Variants in SEZ6L observed in about 807,000 individuals in gnomAD.
The protein encoded by SEZ6L is seizure related 6 homolog like.
In SEZ6L, 37 loss-of-function variants were observed where a neutral mutation model predicts 106.2. That is an observed-to-expected ratio of 0.35 (90% CI 0.27 to 0.46). The LOEUF is 0.46. Ranked by LOEUF, SEZ6L falls within the 20% of genes least tolerant of loss-of-function variation. The probability of loss-of-function intolerance (pLI) is 1.00; values close to 1 mark genes in which losing one functional copy is unlikely to be tolerated. For synonymous variants in SEZ6L, 541 were observed against 570.4 expected, an observed-to-expected ratio of 0.95 and a Z score of 0.73; for missense variants, 1,172 against 1,332.8, an observed-to-expected ratio of 0.88 and a Z score of 1.88.
chr22:26,241,965 A>G (rs2079150693), intron 1 of SEZ6L, among the ~76,000 whole-genome samples: 1 of 152,224 alleles, frequency 6.6e-6, no homozygotes, highest in African/African-American at 2.4e-5. Context: ...GAGGAGAGCC[A>G]CCATACCTCA....
intron 1 of SEZ6L, among the ~76,000 whole-genome samples, chr22:26,182,189 G>T (rs1939444513): frequency 6.6e-6 from 1 of 152,184 alleles, no homozygotes; most frequent in South Asian, 2.1e-4. Context: ...TAGTATGCAA[G>T]AAATGATTCT....
At chr22:26,284,604 CAAAAAAAAAAAAAAAAAAA>C (rs137198) in intron 1 of SEZ6L, among the ~76,000 whole-genome samples, 1 of 64,022 alleles carries the variant, frequency 1.6e-5, no homozygotes, top group Non-Finnish European at 3.2e-5. Context: ...ATCAGGACTC[CAAAAAAAAAAAAAAAAAAA>C]AAAAAAAAAC....
At chr22:26,268,277 C>G (rs1451174895) in intron 1 of SEZ6L, among the ~76,000 whole-genome samples, 4 of 152,118 alleles carry the variant, frequency 2.6e-5, no homozygotes, top group Non-Finnish European at 5.9e-5. Flanking sequence ...AGGAGATCAC[C>G]CGGTATGAAC....
chr22:26,224,958 C>T (rs900582626), intron 1 of SEZ6L, among the ~76,000 whole-genome samples: 2 of 151,790 alleles, frequency 1.3e-5, no homozygotes, highest in Non-Finnish European at 2.9e-5. Context: ...GTGCCACTAG[C>T]TATTGTTACA....
intron 1 of SEZ6L, among the ~76,000 whole-genome samples, chr22:26,202,438 C>T (rs1941020467): frequency 6.6e-6 from 1 of 152,112 alleles, no homozygotes; most frequent in African/African-American, 2.4e-5. Context: ...GGCACATTCC[C>T]TAATAGACAG....
intron 1 of SEZ6L, among the ~76,000 whole-genome samples, chr22:26,241,015 G>A (rs2079110775): frequency 6.6e-6 from 1 of 152,210 alleles, no homozygotes; most frequent in Admixed American, 6.5e-5. Context: ...GCACCCAAGT[G>A]AGGGAGAGAG....
At chr22:26,179,398 C>T (rs1344134508) in intron 1 of SEZ6L, among the ~76,000 whole-genome samples, 1 of 152,108 alleles carries the variant, frequency 6.6e-6, no homozygotes, top group Non-Finnish European at 1.5e-5. Flanking sequence ...ATTTAAAAAA[C>T]AACAAATGGA....
chr22:26,236,857 C>T lies in SEZ6L; in HGVS notation c.95-55549C>T, dbSNP rs141222644. On this transcript the variant is annotated intron_variant, in intron 1 of 16. Transcript: ENST00000248933. Reference sequence around the variant, plus strand: ...CTTGGTGTGGCTACCATTAGCCTCTCCTCTGCCTTCTGTCCATGCAGAAGC... The same window carrying T: ...CTTGGTGTGGCTACCATTAGCCTCTTCTCTGCCTTCTGTCCATGCAGAAGC... Among the ~76,000 whole-genome samples, 661 of 152,242 alleles carry T rather than the reference C, an allele frequency of 4.3e-3. 3 individuals are homozygous for T. The highest frequency in any genetic ancestry group is 0.01 in the Middle Eastern group (3 of 294).
chr22:26,350,194 GTATA>G lies in SEZ6L; in HGVS notation c.2408-847_2408-844del, dbSNP rs201613241. Among the ~76,000 whole-genome samples, 10 of 138,744 alleles carry G rather than the reference GTATA, an allele frequency of 7.2e-5. No individual in the cohort carries two copies. In the South Asian group the frequency reaches 1.2e-3, roughly 16 times the overall value. The allele number at this position is 138,744 out of a possible 152,430, so 91.0% of individuals were successfully genotyped here. ...AATTCATATATATGTGTGTGTGTGT[GTATA>G]TATATATATACACATATATATATAT... On this transcript the variant is annotated intron_variant, in intron 11 of 16. Transcript: ENST00000248933.
At chr22:26,291,843 A>G (rs1004316087) in intron 1 of SEZ6L, among the ~76,000 whole-genome samples, 1 of 152,104 alleles carries the variant, frequency 6.6e-6, no homozygotes, top group Non-Finnish European at 1.5e-5. Flanking sequence ...ATCATATCAA[A>G]TATGATTGTG....
intron 12 of SEZ6L, among the ~76,000 whole-genome samples, chr22:26,355,418 A>T (rs2083408886): frequency 6.6e-6 from 1 of 152,222 alleles, no homozygotes; most frequent in Non-Finnish European, 1.5e-5. Context: ...TTAATGAAGC[A>T]GACAGAAAAC....
intron 1 of SEZ6L, among the ~76,000 whole-genome samples, chr22:26,198,014 G>A (rs1249567954): frequency 6.6e-6 from 1 of 152,196 alleles, no homozygotes; most frequent in African/African-American, 2.4e-5. Flanking sequence ...CTGAAGATTT[G>A]ACCAAACTTA....
At chr22:26,380,233 C>T (rs1043565854) in intron 16 of SEZ6L, 33 bp from the exon 17 acceptor site, 10 of 1,610,638 alleles carry the variant, frequency 6.2e-6, no homozygotes, top group South Asian at 4.4e-5. Flanking sequence ...ACCACACAAG[C>T]GTTTGACAAA....
At chr22:26,327,948 G>T (rs16981753) in intron 9 of SEZ6L, among the ~76,000 whole-genome samples, 15,651 of 152,228 alleles carry the variant, frequency 0.1, 1,137 homozygotes, top group Admixed American at 0.24. Context: ...TGCCATCTGG[G>T]GTCACCCCTA....
intron 10 of SEZ6L, among the ~76,000 whole-genome samples, chr22:26,346,024 TG>T (rs933668384): frequency 7.1e-6 from 1 of 140,748 alleles, no homozygotes; most frequent in Non-Finnish European, 1.5e-5. Context: ...CTGTTCAAAT[TG>T]TTTTTTTTTT....
At chr22:26,200,366 C>G (rs1046493137) in intron 1 of SEZ6L, among the ~76,000 whole-genome samples, 1 of 152,090 alleles carries the variant, frequency 6.6e-6, no homozygotes, top group African/African-American at 2.4e-5. Flanking sequence ...TGACTATGCA[C>G]CAGGCTTGGT....
chr22:26,235,729 G>A (rs117718661), intron 1 of SEZ6L, among the ~76,000 whole-genome samples: 1 of 152,294 alleles, frequency 6.6e-6, no homozygotes, highest in East Asian at 1.9e-4. Flanking sequence ...TGCCCTTTTG[G>A]GGAAGTATAG....
intron 1 of SEZ6L, among the ~76,000 whole-genome samples, chr22:26,268,484 C>T (rs654047): frequency 0.31 from 47,054 of 152,004 alleles, 7,920 homozygotes; most frequent in Non-Finnish European, 0.37. Flanking sequence ...TCCAGTCCAG[C>T]ACACTCCCTC....
chr22:26,304,396 G>GAAAGAA (rs2081564363), intron 5 of SEZ6L, among the ~76,000 whole-genome samples: 1 of 143,124 alleles, frequency 7.0e-6, no homozygotes, highest in Non-Finnish European at 1.5e-5. Flanking sequence ...AAGAAAGAAA[G>GAAAGAA]AAAGAAAGAA....
Sources: gnomAD v4.1 joint callset for allele counts (sites outside exome capture counted in the v4.1 genomes callset) on GRCh38, gnomAD v4.1.1 for gene constraint, MANE v1.5 for transcripts, NCBI Gene and HGNC (gene_info 2026-07-23, HGNC 2026-07-21) for gene names.